Variants in SPOCK3 observed in about 807,000 individuals in gnomAD.
The protein encoded by SPOCK3 is SPARC (osteonectin), cwcv and kazal like domains proteoglycan 3.
SPOCK3 carries 30 observed loss-of-function variants against 56.6 expected under a neutral mutation model. The observed-to-expected ratio is 0.53, with a 90% CI of 0.40 to 0.72. The LOEUF is 0.72. Ranked by LOEUF, SPOCK3 falls within the 30% of genes least tolerant of loss-of-function variation. The pLI, the probability that SPOCK3 is intolerant of heterozygous loss-of-function variation, is 0.00. For synonymous variants in SPOCK3, 196 were observed against 183.3 expected (o/e 1.07, Z -0.56); for missense variants, 527 against 530.0 (o/e 0.99, Z 0.06).
intron 3 of SPOCK3, among the ~76,000 whole-genome samples, chr4:167,018,733 G>A (rs1195794174): frequency 6.6e-6 from 1 of 151,972 alleles, no homozygotes; most frequent in Non-Finnish European, 1.5e-5. Context: ...CAGTTGGAAT[G>A]CCACCTGTCC....
chr4:167,150,544 A>G (rs867888233), intron 2 of SPOCK3, among the ~76,000 whole-genome samples: 1 of 152,178 alleles, frequency 6.6e-6, no homozygotes, highest in Admixed American at 6.6e-5. Context: ...CTGTCTGGGG[A>G]GTGCAAACCA....
At chr4:167,096,524 T>G (rs1353868379) in intron 2 of SPOCK3, among the ~76,000 whole-genome samples, 3 of 151,844 alleles carry the variant, frequency 2.0e-5, no homozygotes, top group Non-Finnish European at 4.4e-5. Flanking sequence ...ATATGTGATT[T>G]AGAAGTGTGT....
chr4:167,044,641 T>A (rs1339063640), intron 3 of SPOCK3, among the ~76,000 whole-genome samples: 1 of 152,142 alleles, frequency 6.6e-6, no homozygotes, highest in Non-Finnish European at 1.5e-5. Context: ...CAAAATATTT[T>A]AAAATTTCTC....
chr4:167,004,686 C>CA (rs1346482449), intron 3 of SPOCK3, among the ~76,000 whole-genome samples: 1 of 151,758 alleles, frequency 6.6e-6, no homozygotes, highest in Non-Finnish European at 1.5e-5. Flanking sequence ...GGATGCATTT[C>CA]AAAAAGGACA....
chr4:166,855,255 G>C (rs1730529585), intron 6 of SPOCK3, among the ~76,000 whole-genome samples: 2 of 151,864 alleles, frequency 1.3e-5, no homozygotes, highest in African/African-American at 4.8e-5. Context: ...ATTTCATTGA[G>C]AAATGCAACA....
At chr4:166,886,885 T>C (rs1216873997) in intron 6 of SPOCK3, among the ~76,000 whole-genome samples, 1 of 152,186 alleles carries the variant, frequency 6.6e-6, no homozygotes, top group Non-Finnish European at 1.5e-5. Context: ...CCTTTGGCAC[T>C]GTGTAGAAAT....
intron 6 of SPOCK3, among the ~76,000 whole-genome samples, chr4:166,864,855 C>T (rs899470200): frequency 6.6e-6 from 1 of 152,044 alleles, no homozygotes; most frequent in Non-Finnish European, 1.5e-5. Context: ...ACCAGAGGTA[C>T]AAAGAGGATC....
chr4:167,016,475 T>C (rs983700565), intron 3 of SPOCK3, among the ~76,000 whole-genome samples: 1 of 152,066 alleles, frequency 6.6e-6, no homozygotes, highest in African/African-American at 2.4e-5. Context: ...CTTCACTATA[T>C]TGCGTATAAT....
chr4:166,931,796 C>T (rs1382932929), intron 4 of SPOCK3, among the ~76,000 whole-genome samples: 1 of 152,122 alleles, frequency 6.6e-6, no homozygotes, highest in African/African-American at 2.4e-5. Flanking sequence ...TTTTACATTT[C>T]TTTAGAGAGA....
intron 2 of SPOCK3, among the ~76,000 whole-genome samples, chr4:167,206,438 AT>A (rs2110991848): frequency 6.6e-6 from 1 of 152,232 alleles, no homozygotes; most frequent in South Asian, 2.1e-4. Context: ...TGCAAACAAA[AT>A]TTAATGAATT....
chr4:167,197,540 A>T lies in SPOCK3; in HGVS notation c.189+36445T>A, dbSNP rs534708256. ...TCATTAATTCTAAATTTGTACATAA[A>T]TGCTCAAAAGTTAAGTTTCCTTAAT... On this transcript the variant is annotated intron_variant, in intron 2 of 10. Coordinates refer to ENST00000357545, the MANE Select transcript of SPOCK3 (RefSeq NM_001040159.2). Among the ~76,000 whole-genome samples, 5 of 151,348 alleles carry T rather than the reference A, an allele frequency of 3.3e-5. No individual in the cohort carries two copies. The South Asian group carries it at 8.4e-4, about 25-fold the overall frequency.
chr4:166,782,395 A>T (rs1740279112), intron 7 of SPOCK3, among the ~76,000 whole-genome samples: 1 of 152,198 alleles, frequency 6.6e-6, no homozygotes, highest in Non-Finnish European at 1.5e-5. Flanking sequence ...ACGCTGTTCT[A>T]AAAGTACTCA....
intron 6 of SPOCK3, among the ~76,000 whole-genome samples, chr4:166,830,463 G>A (rs1745916462): frequency 6.6e-6 from 1 of 152,122 alleles, no homozygotes; most frequent in South Asian, 2.1e-4. Context: ...GATTCGACAA[G>A]TGCAGGGCGC....
intron 4 of SPOCK3, among the ~76,000 whole-genome samples, chr4:166,980,492 ACTGGGCTCATTCCACCCACT>A (rs2150091090): frequency 6.6e-6 from 1 of 152,304 alleles, no homozygotes; most frequent in African/African-American, 2.4e-5. Flanking sequence ...GCTTGGGCCC[ACTGGGCTCATTCCACCCACT>A]CAGCCTGGCA....
At chr4:167,115,541 T>C (rs1364275947) in intron 2 of SPOCK3, among the ~76,000 whole-genome samples, 1 of 152,066 alleles carries the variant, frequency 6.6e-6, no homozygotes, top group African/African-American at 2.4e-5. Context: ...TGTTGAGGTA[T>C]TTTTAAAAGT....
At chr4:167,194,177 T>C (rs922052028) in intron 2 of SPOCK3, among the ~76,000 whole-genome samples, 2 of 128,006 alleles carry the variant, frequency 1.6e-5, no homozygotes, top group Non-Finnish European at 3.3e-5. Context: ...TTTGCATTAC[T>C]AAGGCAGGTT....
chr4:166,770,642 A>G (rs1232225058), intron 7 of SPOCK3, among the ~76,000 whole-genome samples: 1 of 152,200 alleles, frequency 6.6e-6, no homozygotes, highest in Non-Finnish European at 1.5e-5. Context: ...AAAATAAAAT[A>G]ATACCAAGAT....
Position 166,820,491 on chromosome 4 carries a change from A to AT in SPOCK3, c.590-28203dup, listed in dbSNP as rs546020822. Among the ~76,000 whole-genome samples, 93 of 150,032 alleles carry AT rather than the reference A, an allele frequency of 6.2e-4. 1 individual carries two copies. The highest frequency in any genetic ancestry group is 7.0e-3 in the Middle Eastern group (2 of 286). On this transcript the variant is annotated intron_variant, in intron 6 of 10. Transcript: ENST00000357545. ...AGCTGTTAAGATTTATGGTCAATTG[A>AT]TTTTTTTTTTACAAAGATGCCAACT...
At chr4:166,826,243 T>C (rs1745463411) in intron 6 of SPOCK3, among the ~76,000 whole-genome samples, 1 of 152,114 alleles carries the variant, frequency 6.6e-6, no homozygotes, top group Non-Finnish European at 1.5e-5. Context: ...GAGCTGTATT[T>C]TGTACTGTGT....
Sources: gnomAD v4.1 joint callset for allele counts (sites outside exome capture counted in the v4.1 genomes callset) on GRCh38, gnomAD v4.1.1 for gene constraint, MANE v1.5 for transcripts, NCBI Gene and HGNC (gene_info 2026-07-23, HGNC 2026-07-21) for gene names.